Variants in FBXO9 observed in about 807,000 individuals in gnomAD.
The protein encoded by FBXO9 is F-box protein 9, also known as F-box only protein 9.
Under a neutral mutation model 63.7 loss-of-function variants are expected in FBXO9, and 43 were observed. That is an observed-to-expected ratio of 0.67 (90% CI 0.53 to 0.87). FBXO9 has a LOEUF of 0.87. Ranked by LOEUF, FBXO9 falls within the 40% of genes least tolerant of loss-of-function variation. The probability of loss-of-function intolerance (pLI) is 0.00; values close to 1 mark genes in which losing one functional copy is unlikely to be tolerated. For synonymous variants in FBXO9, 156 were observed against 171.7 expected (o/e 0.91, Z 0.72); for missense variants, 442 against 533.2 (o/e 0.83, Z 1.68).
At chr6:53,071,315 G>GA (rs1296793876) in intron 2 of FBXO9, among the ~76,000 whole-genome samples, 172 bp downstream of exon 2, 1 of 152,154 alleles carries the variant, frequency 6.6e-6, no homozygotes, top group Non-Finnish European at 1.5e-5. Flanking sequence ...TTTGTGAAAA[G>GA]AAATATCAAT....
At chr6:53,092,568 C>G (rs1385489690) in intron 8 of FBXO9, 21 bp downstream of exon 8, 1 of 1,585,530 alleles carries the variant, frequency 6.3e-7, no homozygotes, top group Non-Finnish European at 8.7e-7. Context: ...TTCTGTAGAA[C>G]TCAGCAGAAA....
At chr6:53,070,994 T>C in intron 1 of FBXO9, 63 bp from the exon 2 acceptor site, 2 of 1,548,226 alleles carry the variant, frequency 1.3e-6, no homozygotes, top group African/African-American at 1.4e-5. Context: ...ATGAGAAATG[T>C]AGATTGCAGA....
chr6:53,070,079 T>C (rs222445), intron 1 of FBXO9, among the ~76,000 whole-genome samples: 133,222 of 143,982 alleles, frequency 0.93, 61,717 homozygotes, highest in East Asian at 1. Context: ...AGTGCAATGG[T>C]GCAGTCTCGG....
rs1763305463 is a variant in FBXO9 at position 53,099,883 on chromosome 6, A to G, written c.*2053A>G. 2 of 152,266 alleles carry G rather than the reference A, an allele frequency of 1.3e-5. No individual in the cohort carries two copies. The highest frequency in any genetic ancestry group is 3.8e-4 in the East Asian group (2 of 5,200). The allele number at this position is 152,266 out of a possible 1,614,324, so 9.4% of individuals were successfully genotyped here. ...ACTGTTATTTCTGATATACAAATAA[A>G]TAGAACATGATTAGGACATAGTCAA... On this transcript the variant is annotated 3_prime_UTR_variant, in exon 13 of 13. Coordinates refer to ENST00000323557, the MANE Select transcript of FBXO9 (RefSeq NM_033480.3).
chr6:53,085,713 A>G (rs1489317422), intron 7 of FBXO9, among the ~76,000 whole-genome samples: 2 of 151,940 alleles, frequency 1.3e-5, no homozygotes, highest in Non-Finnish European at 2.9e-5. Flanking sequence ...TCAATAATAT[A>G]CCCATAAATG....
At chr6:53,093,677 A>T in intron 10 of FBXO9, 116 bp downstream of exon 10, 1 of 918,664 alleles carries the variant, frequency 1.1e-6, no homozygotes, top group South Asian at 1.8e-5. Context: ...AAAAGCAATC[A>T]TTCAGGGTCT....
chr6:53,089,840 G>T (rs187339122), intron 7 of FBXO9, among the ~76,000 whole-genome samples: 1 of 152,312 alleles, frequency 6.6e-6, no homozygotes, highest in East Asian at 1.9e-4. Context: ...GAAGTAGAGT[G>T]CTCAGAGCAC....
chr6:53,094,802 C>T (rs995858937), intron 11 of FBXO9: 2 of 434,982 alleles, frequency 4.6e-6, no homozygotes, highest in Non-Finnish European at 9.2e-6. Context: ...GCCTGAGAGA[C>T]AGAGAGAGTT....
intron 3 of FBXO9, among the ~76,000 whole-genome samples, chr6:53,075,557 T>C (rs1769067246): frequency 6.6e-6 from 1 of 150,404 alleles, no homozygotes; most frequent in Non-Finnish European, 1.5e-5. Context: ...TTAATTTTAT[T>C]AATAGCCATT....
intron 8 of FBXO9, 35 bp downstream of exon 8, chr6:53,092,582 T>G: frequency 1.3e-6 from 2 of 1,540,356 alleles, no homozygotes; most frequent in Non-Finnish European, 1.8e-6. Context: ...GCAGAAATAC[T>G]GATCTATAAT....
At chr6:53,084,941 G>A in intron 7 of FBXO9, among the ~76,000 whole-genome samples, 1 of 152,254 alleles carries the variant, frequency 6.6e-6, no homozygotes, top group East Asian at 1.9e-4. Flanking sequence ...CTCACGATAA[G>A]GCTGAGAACT....
chr6:53,066,641 A>G (rs1768708632), intron 1 of FBXO9, among the ~76,000 whole-genome samples: 1 of 152,228 alleles, frequency 6.6e-6, no homozygotes, highest in Non-Finnish European at 1.5e-5. Context: ...GAGGATAGAA[A>G]AGGCAATTGC....
chr6:53,071,717 A>G (rs1768924016), intron 2 of FBXO9, among the ~76,000 whole-genome samples: 1 of 152,262 alleles, frequency 6.6e-6, no homozygotes, highest in Non-Finnish European at 1.5e-5. Context: ...TGCAGTGTAC[A>G]TGAAAATGTA....
At chr6:53,070,307 A>G (rs1768868076) in intron 1 of FBXO9, among the ~76,000 whole-genome samples, 1 of 151,914 alleles carries the variant, frequency 6.6e-6, no homozygotes, top group Non-Finnish European at 1.5e-5. Flanking sequence ...GGTGTGAGCC[A>G]CCGCACCTGG....
Position 53,080,704 on chromosome 6 carries a change from AAAATT to A in FBXO9, c.408-262_408-258del, listed in dbSNP as rs373804294. On this transcript the variant is annotated intron_variant, in intron 5 of 12. Coordinates refer to ENST00000323557, the MANE Select transcript of FBXO9 (RefSeq NM_033480.3). ...ACTCATAAAATCTCTACTTTACAATAAAATTAGTTAAATCTCAACACCTGTATCCA... is the reference window on the plus strand; with the variant it reads ...ACTCATAAAATCTCTACTTTACAATAAGTTAAATCTCAACACCTGTATCCA... 4.9e-4 allele frequency among the ~76,000 whole-genome samples: 74 copies of A among 152,336 alleles called. 1 individual carries two copies. The highest frequency in any genetic ancestry group is 1.6e-3 in the African/African-American group (67 of 41,576).
At chr6:53,088,595 T>C (rs1762956310) in intron 7 of FBXO9, among the ~76,000 whole-genome samples, 2 of 151,392 alleles carry the variant, frequency 1.3e-5, no homozygotes, top group South Asian at 2.1e-4. Flanking sequence ...TAGTGGTTTG[T>C]CTTTTTTTTT....
At chr6:53,087,150 T>C (rs1466064884) in intron 7 of FBXO9, among the ~76,000 whole-genome samples, 1 of 152,006 alleles carries the variant, frequency 6.6e-6, no homozygotes, top group Admixed American at 6.6e-5. Flanking sequence ...GAGACCAGCC[T>C]GAGCAACATG....
chr6:53,073,102 C>G lies in FBXO9; in HGVS notation c.91-379C>G, dbSNP rs928103129. On this transcript the variant is annotated intron_variant, in intron 2 of 12. Coordinates refer to ENST00000323557, the MANE Select transcript of FBXO9 (RefSeq NM_033480.3). The stretch of plus-strand genomic sequence containing the variant: ...GAATGTTAATAGATTTTGGGCTTAC[C>G]TACAGAATTTTTGGCAGCATTCTTA... Among the ~76,000 whole-genome samples, 57 of 151,794 alleles carry G rather than the reference C, an allele frequency of 3.8e-4. 1 individual carries two copies. Among genetic ancestry groups the G allele is most frequent in the African/African-American group, 1.3e-3 (52 of 41,374 alleles).
intron 4 of FBXO9, among the ~76,000 whole-genome samples, chr6:53,076,969 ACAT>A (rs1279574884): frequency 6.6e-6 from 1 of 152,184 alleles, no homozygotes; most frequent in Non-Finnish European, 1.5e-5. Flanking sequence ...TTGCTGGGAA[ACAT>A]CATCATGTTG....
Sources: allele counts gnomAD v4.1 joint callset (sites outside exome capture counted in the v4.1 genomes callset), GRCh38; gene constraint gnomAD v4.1.1; transcripts MANE v1.5; gene names NCBI Gene and HGNC (gene_info 2026-07-23, HGNC 2026-07-21).